ZNF569: variants seen among roughly 807,000 people sequenced by gnomAD.
ZNF569 encodes DNA-binding protein.
In ZNF569, 38 loss-of-function variants were observed where a neutral mutation model predicts 56.3. The observed-to-expected ratio is 0.68, with a 90% CI of 0.52 to 0.88. The LOEUF (loss-of-function observed/expected upper bound fraction) is 0.88. Ranked by LOEUF, ZNF569 falls within the 40% of genes least tolerant of loss-of-function variation. ZNF569 has a pLI of 0.00. For synonymous variants in ZNF569, 241 were observed against 262.9 expected (o/e 0.92, Z 0.81); for missense variants, 666 against 809.2 (o/e 0.82, Z 2.15).
At chr19:37,459,332 C>T (rs1371347308) in intron 2 of ZNF569, among the ~76,000 whole-genome samples, 1 of 151,392 alleles carries the variant, frequency 6.6e-6, no homozygotes, top group African/African-American at 2.4e-5. Flanking sequence ...AAAAGTAACA[C>T]CTTACCTATA....
At chr19:37,456,467 A>G (rs900881567) in intron 2 of ZNF569, among the ~76,000 whole-genome samples, 1 of 151,996 alleles carries the variant, frequency 6.6e-6, no homozygotes, top group African/African-American at 2.4e-5. Context: ...CTTCTCTCTT[A>G]GGGCCCGTAT....
In ZNF569 at chr19:37,412,804, G is replaced by A; in HGVS notation, c.1854C>T (p.Ser618=). The A allele has an allele frequency of 6.2e-7, 1 of 1,613,946 alleles. No homozygotes were observed. Among genetic ancestry groups the A allele is most frequent in the South Asian group, 1.1e-5 (1 of 91,080 alleles). The part of the protein sequence containing the change: ...CNKCGKAFSQ[S]SSLTIHIRGH... ...CTCGTATATGTATAGTAAGGGATGA[G>A]CTTTGGGAGAAGGCTTTTCCACATT... The change falls in exon 6 of 6, where the codon AGC becomes AGT. Residue 618 remains serine (S), a synonymous_variant. Transcript: ENST00000316950.
chr19:37,434,795 C>T (rs1172540942), intron 3 of ZNF569, among the ~76,000 whole-genome samples: 1 of 152,194 alleles, frequency 6.6e-6, no homozygotes. Context: ...TTGTAATTCT[C>T]CCCACCCTTG....
intron 2 of ZNF569, among the ~76,000 whole-genome samples, chr19:37,449,600 A>AT (rs1242824148): frequency 6.7e-6 from 1 of 149,130 alleles, no homozygotes; most frequent in Non-Finnish European, 1.5e-5. Flanking sequence ...TTCATCCCTG[A>AT]TTAAATCCCT....
intron 3 of ZNF569, among the ~76,000 whole-genome samples, chr19:37,440,061 T>C (rs2041378811): frequency 6.6e-6 from 1 of 152,206 alleles, no homozygotes. Context: ...GGATTGTTTG[T>C]AACACAAAGG....
rs1187090064 is a variant in ZNF569 at position 37,414,366 on chromosome 19, G to T, written c.292C>A (p.Gln98Lys). Residue 98 changes from glutamine (Q) to lysine (K), a missense_variant, in exon 6 of 6, where the codon CAA (glutamine) becomes AAA (lysine). Physicochemically the swap from Gln to Lys is moderately conservative, Grantham distance 53 (BLOSUM62 1). Coordinates refer to ENST00000316950, the MANE Select transcript of ZNF569 (RefSeq NM_152484.3). ...HQKNQDRLLRQVEVKFQKTLT... is the reference protein window; with the variant it reads ...HQKNQDRLLRKVEVKFQKTLT... ...GTTTTCTGGAATTTAACTTCAACTT[G>T]TCTCAAAAGTCTGTCCTGGTTTTTC... 6.2e-7 allele frequency: 1 copy of T among 1,610,484 alleles called. No individual in the cohort carries two copies. The highest frequency in any genetic ancestry group is 8.5e-7 in the Non-Finnish European group (1 of 1,178,614).
rs757520077 is a variant in ZNF569 at position 37,444,962 on chromosome 19, G to C, written c.-41C>G. ...GGAAGGGATGGGGCCTGCAGAAGTAGAGCTGGGGAAGAGAATAAAAGTCAT... is the reference window on the plus strand; with the variant it reads ...GGAAGGGATGGGGCCTGCAGAAGTACAGCTGGGGAAGAGAATAAAAGTCAT... On this transcript the variant is annotated splice_region_variant and 5_prime_UTR_variant, in exon 3 of 6. Transcript: ENST00000316950. 1.2e-6 allele frequency: 2 copies of C among 1,601,732 alleles called. No individual in the cohort carries two copies. Among genetic ancestry groups the C allele is most frequent in the Non-Finnish European group, 1.7e-6 (2 of 1,175,346 alleles).
At chr19:37,464,256 C>A (rs112590978) in intron 2 of ZNF569, among the ~76,000 whole-genome samples, 2,599 of 152,226 alleles carry the variant, frequency 0.017, 70 homozygotes, top group African/African-American at 0.059. Context: ...GTGGCGCAAT[C>A]TCAGCTCAAT....
intron 3 of ZNF569, among the ~76,000 whole-genome samples, chr19:37,432,156 TAG>T (rs1442010276): frequency 6.6e-6 from 1 of 152,126 alleles, no homozygotes; most frequent in East Asian, 1.9e-4. Flanking sequence ...CTGCTGACTG[TAG>T]AGTGATAGGG....
At position 37,451,740 on chromosome 19, in the gene ZNF569, T is replaced by C. The variant is rs551678038; in HGVS notation, c.-43-6776A>G. On this transcript the variant is annotated intron_variant, in intron 2 of 5. Transcript: ENST00000316950. ...CTTAAATCCTATTTTATCTGACATATGTATAGCTACCCCGCTGTCTTTTGG... is the reference window on the plus strand; with the variant it reads ...CTTAAATCCTATTTTATCTGACATACGTATAGCTACCCCGCTGTCTTTTGG... 7.2e-5 allele frequency among the ~76,000 whole-genome samples: 11 copies of C among 152,306 alleles called. No individual in the cohort carries two copies. The East Asian group carries it at 1.4e-3, about 19-fold the overall frequency.
In ZNF569 at chr19:37,411,823, A is replaced by G. The variant is rs935182620; in HGVS notation, c.*774T>C. ...ACACAGAATTCCTGTATCTTCTTGG[A>G]TTTTTGTATGAATGCTCACTATCTT... is the stretch of plus-strand genomic sequence containing the variant. On this transcript the variant is annotated 3_prime_UTR_variant, in exon 6 of 6. Coordinates refer to ENST00000316950, the MANE Select transcript of ZNF569 (RefSeq NM_152484.3). The G allele has an allele frequency of 1.3e-5, 2 of 152,122 alleles. No homozygotes were observed. The highest frequency in any genetic ancestry group is 4.8e-5 in the African/African-American group (2 of 41,440). 9.4% of individuals were successfully genotyped at this position (152,122 alleles called of 1,614,324 possible). A position where few individuals can be genotyped will look rare whatever the true frequency, so the allele number is the denominator to read the frequency against.
intron 2 of ZNF569, among the ~76,000 whole-genome samples, chr19:37,446,549 CAA>C (rs74174464): frequency 0.01 from 620 of 60,434 alleles, 3 homozygotes; most frequent in African/African-American, 0.036. Context: ...GACTCCATCT[CAA>C]AAAAAAAAAA....
chr19:37,415,642 G>A (rs1015825551), intron 5 of ZNF569, among the ~76,000 whole-genome samples: 5 of 151,448 alleles, frequency 3.3e-5, no homozygotes, highest in South Asian at 4.2e-4. Context: ...AGGCCAAGGC[G>A]GGCGGATCGC....
At chr19:37,466,472 A>C (rs1002281257) in intron 1 of ZNF569, among the ~76,000 whole-genome samples, 1 of 152,056 alleles carries the variant, frequency 6.6e-6, no homozygotes, top group South Asian at 2.1e-4. Context: ...TCTACTAAAA[A>C]TACAAAATTA....
At chr19:37,449,146 T>C (rs886944041) in intron 2 of ZNF569, among the ~76,000 whole-genome samples, 4 of 152,216 alleles carry the variant, frequency 2.6e-5, no homozygotes, top group African/African-American at 9.7e-5. Flanking sequence ...TTCTGTTCTT[T>C]ACTTCTAGTT....
intron 5 of ZNF569, among the ~76,000 whole-genome samples, chr19:37,416,642 T>A (rs2040938521): frequency 6.6e-6 from 1 of 152,216 alleles, no homozygotes; most frequent in Admixed American, 6.5e-5. Context: ...ATTTAAAATT[T>A]GTATTATTTT....
intron 5 of ZNF569, among the ~76,000 whole-genome samples, chr19:37,415,845 A>T (rs1376942147): frequency 6.6e-6 from 1 of 151,112 alleles, no homozygotes; most frequent in East Asian, 1.9e-4. Flanking sequence ...ACGCCACTGC[A>T]CTCCAGCCTG....
intron 5 of ZNF569, among the ~76,000 whole-genome samples, chr19:37,420,183 T>C (rs1202139930): frequency 6.6e-6 from 1 of 151,728 alleles, no homozygotes; most frequent in Non-Finnish European, 1.5e-5. Flanking sequence ...AGAGACGGGG[T>C]TTCACTATGT....
chr19:37,452,567 G>A lies in ZNF569; in HGVS notation c.-43-7603C>T, dbSNP rs553875291. Among the ~76,000 whole-genome samples the A allele has an allele frequency of 4.6e-5, 7 of 152,080 alleles. No homozygotes were observed. The South Asian group carries it at 6.2e-4, about 14-fold the overall frequency. ...AGTTTTGCCAAGTATAGTATTCCGGGTTGGCAGAGATTTTTTTGTTATTGT... is the reference window on the plus strand; with the variant it reads ...AGTTTTGCCAAGTATAGTATTCCGGATTGGCAGAGATTTTTTTGTTATTGT... On this transcript the variant is annotated intron_variant, in intron 2 of 5. Transcript: ENST00000316950.
Sources: gnomAD v4.1 joint callset for allele counts (sites outside exome capture counted in the v4.1 genomes callset) on GRCh38, gnomAD v4.1.1 for gene constraint, MANE v1.5 for transcripts, NCBI Gene and HGNC (gene_info 2026-07-23, HGNC 2026-07-21) for gene names.